The following EXOSC2 variants were observed in gnomAD, a reference collection of about 807,000 sequenced individuals.
EXOSC2 encodes exosome complex component RRP4.
A neutral mutation model predicts 37.6 loss-of-function variants in EXOSC2; 29 were observed. That is an observed-to-expected ratio of 0.77 (90% CI 0.57 to 1.05). The LOEUF is 1.05. EXOSC2 is among the 50% of genes least tolerant of loss of function. The probability of loss-of-function intolerance (pLI) is 0.00; values close to 1 mark genes in which losing one functional copy is unlikely to be tolerated. For synonymous variants in EXOSC2, 119 were observed against 131.1 expected, an observed-to-expected ratio of 0.91 and a Z score of 0.63; for missense variants, 346 against 365.6, an observed-to-expected ratio of 0.95 and a Z score of 0.44.
chr9:130,699,269 A>G (rs1831160626), intron 4 of EXOSC2, 60 bp from the exon 5 acceptor site: 1 of 1,525,750 alleles, frequency 6.6e-7, no homozygotes, highest in African/African-American at 1.4e-5. Flanking sequence ...GTGAAAGAGA[A>G]GTGATGGAGA....
intron 5 of EXOSC2, 55 bp downstream of exon 5, chr9:130,699,449 T>C (rs1831164715): frequency 1.3e-6 from 2 of 1,519,876 alleles, no homozygotes; most frequent in Non-Finnish European, 1.8e-6. Flanking sequence ...GACTGGGAAA[T>C]GGGCCTTCCA....
intron 2 of EXOSC2, among the ~76,000 whole-genome samples, chr9:130,696,458 T>C (rs1401394063): frequency 6.6e-6 from 1 of 152,086 alleles, no homozygotes; most frequent in Non-Finnish European, 1.5e-5. Flanking sequence ...CTCTGGCTGC[T>C]GATGGGAGAT....
Position 130,700,927 on chromosome 9 carries a change from T to C in EXOSC2, c.487T>C (p.Tyr163His). The change falls in exon 6 of 9, where the codon TAT becomes CAT. Residue 163 changes from tyrosine to histidine, a missense_variant. Coordinates refer to ENST00000372358, the MANE Select transcript of EXOSC2 (RefSeq NM_014285.7). ...AVSLHTRSLKYGKLGQGVLVQ... is the reference protein window; with the variant it reads ...AVSLHTRSLKHGKLGQGVLVQ... ...CTCTTTGCACACGAGGAGCCTGAAA[T>C]ATGGAAAAGTAAGTCGGGCTCTTGA... 1 of 1,613,956 alleles carries C rather than the reference T, an allele frequency of 6.2e-7. No individual in the cohort carries two copies. The highest frequency in any genetic ancestry group is 8.5e-7 in the Non-Finnish European group (1 of 1,179,954).
chr9:130,697,476 G>T, intron 2 of EXOSC2, 106 bp from the exon 3 acceptor site: 1 of 1,075,656 alleles, frequency 9.3e-7, no homozygotes. Flanking sequence ...TGAATGTGGC[G>T]CCTGTTCCAG....
At chr9:130,702,764 T>C (rs761998951) in intron 7 of EXOSC2, among the ~76,000 whole-genome samples, 5 of 152,096 alleles carry the variant, frequency 3.3e-5, no homozygotes, top group Admixed American at 6.5e-5. Flanking sequence ...TCTGCTAATT[T>C]ATCTATTTTT....
chr9:130,698,237 C>T lies in EXOSC2; in HGVS notation c.346C>T (p.Pro116Ser). ...CTTGCTGCTCTCGTCCATGAACCTT[C>T]CTGGAGGAGAGCTGGTAAGGGCTAC... is the stretch of plus-strand genomic sequence containing the variant. ...SVLLLSSMNLPGGELRRRSAE... is the reference protein window; with the variant it reads ...SVLLLSSMNLSGGELRRRSAE... The change falls in exon 4 of 9, where the codon CCT becomes TCT. Residue 116 changes from proline to serine, a missense_variant. By Grantham distance (74) the Pro-to-Ser change is moderately conservative. Coordinates refer to ENST00000372358, the MANE Select transcript of EXOSC2 (RefSeq NM_014285.7). The surrounding 1 kb of genome is among the most constrained non-coding windows in gnomAD (Gnocchi z 4.1). The T allele has an allele frequency of 6.2e-7, 1 of 1,614,062 alleles. No homozygotes were observed. The highest frequency in any genetic ancestry group is 8.5e-7 in the Non-Finnish European group (1 of 1,180,020).
At chr9:130,702,555 G>A (rs952661159) in intron 7 of EXOSC2, among the ~76,000 whole-genome samples, 7 of 151,136 alleles carry the variant, frequency 4.6e-5, no homozygotes, top group Non-Finnish European at 7.4e-5. Context: ...CGAAGAGCCA[G>A]TGAAGAAGCC....
Position 130,694,042 on chromosome 9 carries a change from A to C in EXOSC2, c.122+129A>C. 9.2e-7 allele frequency: 1 copy of C among 1,090,634 alleles called. No homozygotes were observed. The highest frequency in any genetic ancestry group is 1.3e-6 in the Non-Finnish European group (1 of 794,612). The allele number at this position is 1,090,634 out of a possible 1,614,324, so 67.6% of individuals were successfully genotyped here. A position where few individuals can be genotyped will look rare whatever the true frequency, so the allele number is the denominator to read the frequency against. Reference sequence around the variant, plus strand: ...CCAGGGCACTTCGTCTGAGCATCCTACACACCTCGCTTCCGAGCCTCGTGC... The same window carrying C: ...CCAGGGCACTTCGTCTGAGCATCCTCCACACCTCGCTTCCGAGCCTCGTGC... On this transcript the variant is annotated intron_variant, in intron 1 of 8. Transcript: ENST00000372358. The surrounding 1 kb of genome is among the most constrained non-coding windows in gnomAD (Gnocchi z 4.0).
At chr9:130,702,356 G>A in intron 7 of EXOSC2, 46 bp downstream of exon 7, 1 of 1,536,948 alleles carries the variant, frequency 6.5e-7, no homozygotes, top group Non-Finnish European at 8.9e-7. Flanking sequence ...AGGGGGCTCA[G>A]TCTTTGCTGT....
chr9:130,695,954 G>A (rs572662741), intron 2 of EXOSC2, among the ~76,000 whole-genome samples: 10 of 147,118 alleles, frequency 6.8e-5, no homozygotes, highest in African/African-American at 2.5e-4. Context: ...TTCGCCTCCC[G>A]GGTTCAAACA....
chr9:130,698,397 G>A lies in EXOSC2; in HGVS notation c.360+146G>A. ...CTGCTGTGAAGTTTGCTGCCTAGATGTGTATGTAGACTTTTCACCCTGTCC... is the reference window on the plus strand; with the variant it reads ...CTGCTGTGAAGTTTGCTGCCTAGATATGTATGTAGACTTTTCACCCTGTCC... On this transcript the variant is annotated intron_variant, in intron 4 of 8. Coordinates refer to ENST00000372358, the MANE Select transcript of EXOSC2 (RefSeq NM_014285.7). This position sits in a 1 kb window ranked among gnomAD's most constrained non-coding sequence, Gnocchi z 4.1. The A allele has an allele frequency of 1.5e-6, 1 of 669,694 alleles. No homozygotes were observed. The allele number at this position is 669,694 out of a possible 1,614,324, so 41.5% of individuals were successfully genotyped here. A position where few individuals can be genotyped will look rare whatever the true frequency, so the allele number is the denominator to read the frequency against.
intron 6 of EXOSC2, chr9:130,701,740 CA>C (rs1831219833): frequency 1.2e-6 from 1 of 856,138 alleles, no homozygotes; most frequent in Non-Finnish European, 1.4e-6. Context: ...ACACATCTCA[CA>C]GGCAAGATGA....
In EXOSC2 at chr9:130,703,826, G is replaced by A. The variant is rs768068113; in HGVS notation, c.*52G>A. 2 of 1,431,342 alleles carry A rather than the reference G, an allele frequency of 1.4e-6. No homozygotes were observed. The highest frequency in any genetic ancestry group is 1.9e-6 in the Non-Finnish European group (2 of 1,025,754). The allele number at this position is 1,431,342 out of a possible 1,614,324, so 88.7% of individuals were successfully genotyped here. On this transcript the variant is annotated 3_prime_UTR_variant, in exon 9 of 9. Coordinates refer to ENST00000372358, the MANE Select transcript of EXOSC2 (RefSeq NM_014285.7). ...TGGACCTTGCAGGAGTGAAGACTGT[G>A]ATGTGTGGTCCCCATATGTGGCTCA...
At chr9:130,697,311 C>A (rs1278562697) in intron 2 of EXOSC2, among the ~76,000 whole-genome samples, 1 of 152,114 alleles carries the variant, frequency 6.6e-6, no homozygotes, top group Non-Finnish European at 1.5e-5. Flanking sequence ...TTTTCATTGT[C>A]GTGTAATCGA....
chr9:130,696,386 G>A (rs373294045), intron 2 of EXOSC2, among the ~76,000 whole-genome samples: 193 of 152,274 alleles, frequency 1.3e-3, no homozygotes, highest in African/African-American at 4.4e-3. Flanking sequence ...TCTACTTTGT[G>A]TAATCTGGGA....
chr9:130,702,128 C>A lies in EXOSC2; in HGVS notation c.496-6C>A, dbSNP rs770322760. ...AGTGACCTAGCTTCGTGATATATTT[C>A]TTTAGCTAGGTCAGGGGGTTTTGGT... On this transcript the variant is annotated splice_region_variant and splice_polypyrimidine_tract_variant and intron_variant, in intron 6 of 8. Transcript: ENST00000372358. The A allele has an allele frequency of 6.2e-7, 1 of 1,613,086 alleles. No individual in the cohort carries two copies. Among genetic ancestry groups the A allele is most frequent in the Non-Finnish European group, 8.5e-7 (1 of 1,179,678 alleles).
At position 130,703,685 on chromosome 9, in the gene EXOSC2, C is replaced by A; in HGVS notation, c.802-9C>A. 1 of 1,611,488 alleles carries A rather than the reference C, an allele frequency of 6.2e-7. No homozygotes were observed. Among genetic ancestry groups the A allele is most frequent in the South Asian group, 1.1e-5 (1 of 90,632 alleles). ...TCTTTTCTGAACAAATGCCTTTTCC[C>A]TTTTTCAGATCAAAGACATCTTAAA... On this transcript the variant is annotated splice_polypyrimidine_tract_variant and intron_variant, in intron 8 of 8. Coordinates refer to ENST00000372358, the MANE Select transcript of EXOSC2 (RefSeq NM_014285.7).
intron 5 of EXOSC2, 79 bp from the exon 6 acceptor site, chr9:130,700,787 TG>T: frequency 7.7e-7 from 1 of 1,301,204 alleles, no homozygotes; most frequent in Non-Finnish European, 1.1e-6. Flanking sequence ...GATGGAGGTG[TG>T]GGGTCAAGGG....
rs781048882 is a variant in EXOSC2, at chr9:130,693,888, A to G, written c.97A>G (p.Ile33Val). 8.7e-6 allele frequency: 14 copies of G among 1,611,590 alleles called. No individual in the cohort carries two copies. The highest frequency in any genetic ancestry group is 1.7e-5 in the Admixed American group (1 of 59,842). Residue 33 changes from isoleucine (I) to valine (V), a missense_variant, in exon 1 of 9, where the codon ATC (isoleucine) becomes GTC (valine). By Grantham distance (29) the Ile-to-Val change is conservative. Coordinates refer to ENST00000372358, the MANE Select transcript of EXOSC2 (RefSeq NM_014285.7). Reference protein sequence around the residue: ...KKHLVVPGDTITTDTGFMRGH... With the variant: ...KKHLVVPGDTVTTDTGFMRGH... ...ACATCTAGTGGTGCCGGGGGATACA[A>G]TCACTACGGACACAGGATTCATGCG... is the stretch of plus-strand genomic sequence containing the variant.
Sources: gnomAD v4.1 joint callset for allele counts (sites outside exome capture counted in the v4.1 genomes callset) on GRCh38, gnomAD v4.1.1 for gene constraint, Gnocchi (gnomAD v3.1) non-coding constraint, MANE v1.5 for transcripts, NCBI Gene and HGNC (gene_info 2026-07-23, HGNC 2026-07-21) for gene names.